Variants in ATF7IP2 observed in about 807,000 individuals in gnomAD.
The protein encoded by ATF7IP2 is activating transcription factor 7-interacting protein 2.
In ATF7IP2, 42 loss-of-function variants were observed where a neutral mutation model predicts 64.2. The observed-to-expected ratio is 0.65, with a 90% CI of 0.51 to 0.85. The LOEUF (loss-of-function observed/expected upper bound fraction) is 0.85. Among genes scored for constraint, ATF7IP2 ranks in the 40% least tolerant of loss-of-function variants. ATF7IP2 has a pLI of 0.00. For missense variants in ATF7IP2, 933 were observed against 784.2 expected, an observed-to-expected ratio of 1.19 and a Z score of -2.27; for synonymous variants, 308 against 272.8, an observed-to-expected ratio of 1.13 and a Z score of -1.27.
chr16:10,448,579 G>C (rs1002279397), intron 8 of ATF7IP2: 1 of 152,092 alleles, frequency 6.6e-6, no homozygotes, highest in Non-Finnish European at 1.5e-5. Context: ...TGGTATATAG[G>C]AATGCTTGTG....
Position 10,457,438 on chromosome 16 carries a change from T to C in ATF7IP2, c.1261T>C (p.Ser421Pro), listed in dbSNP as rs1228109064. The C allele has an allele frequency of 4.4e-6, 7 of 1,607,752 alleles. No homozygotes were observed. Among genetic ancestry groups the C allele is most frequent in the Non-Finnish European group, 5.1e-6 (6 of 1,177,598 alleles). The change falls in exon 9 of 14, where the codon TCT becomes CCT. Residue 421 changes from serine (S) to proline (P), a missense_variant. By Grantham distance (74) the Ser-to-Pro change is moderately conservative. Coordinates refer to ENST00000562102, the MANE Select transcript of ATF7IP2 (RefSeq NM_001393719.1). Reference protein sequence around the residue: ...LESVNSPIEKSSVNYEPSNPS... With the variant: ...LESVNSPIEKPSVNYEPSNPS... ...GTCAGTTAATAGTCCAATTGAAAAG[T>C]CTTCTGTGAATTATGAGCCTTCTAA...
intron 1 of ATF7IP2, among the ~76,000 whole-genome samples, chr16:10,412,784 C>T (rs147358293): frequency 2.6e-5 from 4 of 152,256 alleles, no homozygotes; most frequent in Non-Finnish European, 5.9e-5. Flanking sequence ...TGAAGTCCCC[C>T]ACTATTATTG....
Position 10,482,977 on chromosome 16 carries a change from G to T in ATF7IP2, c.*728G>T, listed in dbSNP as rs1007044341. The T allele has an allele frequency of 2.0e-5, 3 of 152,366 alleles. No individual in the cohort carries two copies. The East Asian group carries it at 5.8e-4, about 29-fold the overall frequency. The allele number at this position is 152,366 out of a possible 1,614,324, so 9.4% of individuals were successfully genotyped here. ...GATCCACCCGCCTCGGCCTCCCGAA[G>T]TGCTGGGATTATAGGCGTAAGCCAC... On this transcript the variant is annotated 3_prime_UTR_variant, in exon 14 of 14. Transcript: ENST00000562102.
chr16:10,407,230 G>T (rs928288686), intron 1 of ATF7IP2, among the ~76,000 whole-genome samples: 8 of 152,134 alleles, frequency 5.3e-5, no homozygotes, highest in African/African-American at 1.9e-4. Flanking sequence ...GTATCTCAAC[G>T]TAATAAAAGC....
chr16:10,428,783 T>G (rs974192455), intron 3 of ATF7IP2, 85 bp from the exon 4 acceptor site: 1 of 152,220 alleles, frequency 6.6e-6, no homozygotes, highest in East Asian at 1.9e-4. Flanking sequence ...CAATTTCCAG[T>G]CAAAACAGCA....
At chr16:10,468,721 T>A (rs887869436) in intron 9 of ATF7IP2, among the ~76,000 whole-genome samples, 1 of 152,230 alleles carries the variant, frequency 6.6e-6, no homozygotes, top group Non-Finnish European at 1.5e-5. Context: ...CAGATCTGTA[T>A]GCAAAGGATG....
At chr16:10,391,368 C>T (rs377236323) in intron 1 of ATF7IP2, among the ~76,000 whole-genome samples, 4 of 150,278 alleles carry the variant, frequency 2.7e-5, no homozygotes, top group African/African-American at 7.4e-5. Flanking sequence ...TTGCGGTGAG[C>T]GGAGATCTTG....
chr16:10,431,547 A>G, intron 5 of ATF7IP2, 92 bp downstream of exon 5: 1 of 831,056 alleles, frequency 1.2e-6, no homozygotes, highest in South Asian at 2.3e-5. Flanking sequence ...ACCAGTATAG[A>G]CAGAAAAAAG....
Position 10,480,981 on chromosome 16 carries a change from C to T in ATF7IP2, c.1635+17C>T, listed in dbSNP as rs1029246949. On this transcript the variant is annotated intron_variant, in intron 13 of 13. Transcript: ENST00000562102. ...GCAGTCCAGGTACTGAATCAAAGTGCTCTGTAAGGGATATTTATTCCAAAT... is the reference window on the plus strand; with the variant it reads ...GCAGTCCAGGTACTGAATCAAAGTGTTCTGTAAGGGATATTTATTCCAAAT... 1 of 1,538,262 alleles carries T rather than the reference C, an allele frequency of 6.5e-7. No individual in the cohort carries two copies. The highest frequency in any genetic ancestry group is 9.0e-7 in the Non-Finnish European group (1 of 1,111,568).
chr16:10,438,684 C>G (rs1596513677), intron 7 of ATF7IP2, among the ~76,000 whole-genome samples: 1 of 152,210 alleles, frequency 6.6e-6, no homozygotes, highest in African/African-American at 2.4e-5. Context: ...ATGTAATTTA[C>G]TATAGCTTAG....
At chr16:10,436,367 AT>A (rs1257676156) in intron 6 of ATF7IP2, among the ~76,000 whole-genome samples, 1 of 150,112 alleles carries the variant, frequency 6.7e-6, no homozygotes, top group Non-Finnish European at 1.5e-5. Flanking sequence ...GTCCCAAAAA[AT>A]ATAATAGTAT....
At position 10,483,426 on chromosome 16, in the gene ATF7IP2, ACT is replaced by A. The variant is rs1391344771; in HGVS notation, c.*1180_*1181del. 6.6e-6 allele frequency: 1 copy of A among 152,090 alleles called. No individual in the cohort carries two copies. The highest frequency in any genetic ancestry group is 1.5e-5 in the Non-Finnish European group (1 of 68,020). 9.4% of individuals were successfully genotyped at this position (152,090 alleles called of 1,614,324 possible). On this transcript the variant is annotated 3_prime_UTR_variant, in exon 14 of 14. Transcript: ENST00000562102. ...GTGACTAGTACAAGCAGCCCAAGAA[ACT>A]CTGAACGGGGCCCAATGGAGGCAAA...
chr16:10,415,140 A>G (rs181583091), intron 2 of ATF7IP2, among the ~76,000 whole-genome samples: 57 of 152,336 alleles, frequency 3.7e-4, no homozygotes, highest in African/African-American at 1.3e-3. Flanking sequence ...TAAAATTAAT[A>G]TGGAACCACA....
rs2142121467 is a variant in ATF7IP2 at position 10,482,470 on chromosome 16, T to C, written c.*221T>C. The C allele has an allele frequency of 2.5e-6, 1 of 395,806 alleles. No individual in the cohort carries two copies. Among genetic ancestry groups the C allele is most frequent in the Non-Finnish European group, 4.5e-6 (1 of 222,418 alleles). The allele number at this position is 395,806 out of a possible 1,614,324, so 24.5% of individuals were successfully genotyped here. On this transcript the variant is annotated 3_prime_UTR_variant, in exon 14 of 14. Transcript: ENST00000562102. The stretch of plus-strand genomic sequence containing the variant: ...ATAAGTTCTAAAACATACGCTATCA[T>C]TGGCCCATGTTGCTGAGGTGCATTG...
At chr16:10,449,941 C>A (rs146353331) in intron 8 of ATF7IP2, among the ~76,000 whole-genome samples, 2 of 151,846 alleles carry the variant, frequency 1.3e-5, no homozygotes, top group Non-Finnish European at 2.9e-5. Flanking sequence ...AGATCTTTCC[C>A]GCTTGTGGGC....
intron 8 of ATF7IP2, among the ~76,000 whole-genome samples, chr16:10,451,877 C>T (rs564016288): frequency 5.9e-5 from 9 of 152,016 alleles, no homozygotes; most frequent in Admixed American, 2.0e-4. Flanking sequence ...CATAGTGAAA[C>T]CCCATCTCTA....
chr16:10,481,496 G>A (rs1324343565), intron 13 of ATF7IP2, among the ~76,000 whole-genome samples: 1 of 152,192 alleles, frequency 6.6e-6, no homozygotes, highest in African/African-American at 2.4e-5. Flanking sequence ...TGTTGGCCAG[G>A]CTGGTCTCAA....
intron 1 of ATF7IP2, among the ~76,000 whole-genome samples, chr16:10,398,761 G>C (rs1309489186): frequency 6.6e-6 from 1 of 152,072 alleles, no homozygotes; most frequent in Non-Finnish European, 1.5e-5. Context: ...TTTACAGCTG[G>C]GGGGTGGGGT....
intron 8 of ATF7IP2, among the ~76,000 whole-genome samples, chr16:10,456,253 C>T (rs1246495916): frequency 6.6e-6 from 1 of 152,154 alleles, no homozygotes; most frequent in East Asian, 1.9e-4. Context: ...GGAACCAGGA[C>T]TTAATGATTT....
Sources: gnomAD v4.1 joint callset for allele counts (sites outside exome capture counted in the v4.1 genomes callset) on GRCh38, gnomAD v4.1.1 for gene constraint, MANE v1.5 for transcripts, NCBI Gene and HGNC (gene_info 2026-07-23, HGNC 2026-07-21) for gene names.